The following PRKN variants were observed in gnomAD, a reference collection of about 807,000 sequenced individuals.
PRKN encodes the protein E3 ubiquitin-protein ligase parkin.
Under a neutral mutation model 59.5 loss-of-function variants are expected in PRKN, and 56 were observed. That is an observed-to-expected ratio of 0.94 (90% confidence interval 0.76 to 1.18). The LOEUF is 1.18. PRKN is among the 50% of genes most tolerant of loss of function. PRKN has a pLI of 0.00. For missense variants in PRKN, 657 were observed against 596.4 expected (o/e 1.10, Z -1.06); for synonymous variants, 250 against 222.1 (o/e 1.13, Z -1.12).
intron 2 of PRKN, among the ~76,000 whole-genome samples, chr6:162,429,129 G>A (rs1046611040): frequency 6.6e-6 from 1 of 152,188 alleles, no homozygotes; most frequent in Non-Finnish European, 1.5e-5. Context: ...GACTACAGAA[G>A]TATAACCAAT....
chr6:161,634,975 G>A (rs1380583341), intron 7 of PRKN, among the ~76,000 whole-genome samples: 2 of 152,126 alleles, frequency 1.3e-5, no homozygotes, highest in African/African-American at 2.4e-5. Flanking sequence ...CAAAGAACCC[G>A]AGGCCAGGAC....
At chr6:161,623,853 TA>T (rs199575162) in intron 7 of PRKN, among the ~76,000 whole-genome samples, 3,014 of 152,316 alleles carry the variant, frequency 0.02, 103 homozygotes, top group African/African-American at 0.069. Context: ...TAATATTCAG[TA>T]AACATTTGGT....
At position 162,003,273 on chromosome 6, in the gene PRKN, T is replaced by C. The variant is rs575761641; in HGVS notation, c.619-29856A>G. On this transcript the variant is annotated intron_variant, in intron 5 of 11. Transcript: ENST00000366898. Reference sequence around the variant, plus strand: ...CGAGTAGATGGGTTATAAGGACTTATATATGAGGACCTCCTGGATGGCAGC... The same window carrying C: ...CGAGTAGATGGGTTATAAGGACTTACATATGAGGACCTCCTGGATGGCAGC... 3.9e-5 allele frequency among the ~76,000 whole-genome samples: 6 copies of C among 152,052 alleles called. No homozygotes were observed. The East Asian group carries it at 1.2e-3, about 29-fold the overall frequency.
chr6:162,549,049 C>G (rs769389557), intron 1 of PRKN, among the ~76,000 whole-genome samples: 2 of 152,036 alleles, frequency 1.3e-5, no homozygotes, highest in Non-Finnish European at 2.9e-5. Flanking sequence ...ATCCTGCCCC[C>G]CCAAGATGAT....
chr6:162,081,820 A>T (rs9458453), intron 4 of PRKN, among the ~76,000 whole-genome samples: 58,622 of 151,892 alleles, frequency 0.39, 11,909 homozygotes, highest in Admixed American at 0.49. Context: ...CGGCTGTGTC[A>T]TCTACACTGA....
intron 1 of PRKN, among the ~76,000 whole-genome samples, chr6:162,482,764 A>G (rs918386894): frequency 7.9e-5 from 12 of 152,252 alleles, no homozygotes; most frequent in African/African-American, 2.7e-4. Context: ...AATGAGATGC[A>G]TAGGCTCTTT....
At chr6:162,116,107 G>A (rs1780659693) in intron 4 of PRKN, among the ~76,000 whole-genome samples, 1 of 152,158 alleles carries the variant, frequency 6.6e-6, no homozygotes, top group South Asian at 2.1e-4. Context: ...TTCATGGGCT[G>A]ACACATTACC....
intron 7 of PRKN, among the ~76,000 whole-genome samples, chr6:161,671,913 G>T (rs1284240246): frequency 3.3e-5 from 5 of 152,094 alleles, no homozygotes; most frequent in Non-Finnish European, 7.3e-5. Flanking sequence ...ATTTAGTACA[G>T]ACTAATATAA....
intron 7 of PRKN, among the ~76,000 whole-genome samples, chr6:161,613,636 A>AGGCAGGAGAATGG (rs1782567221): frequency 6.6e-6 from 1 of 152,156 alleles, no homozygotes; most frequent in Non-Finnish European, 1.5e-5. Flanking sequence ...TGCCACAGCC[A>AGGCAGGAGAATGG]CGTCAAGCTT....
At chr6:161,893,366 A>G (rs1346210891) in intron 6 of PRKN, among the ~76,000 whole-genome samples, 2 of 152,212 alleles carry the variant, frequency 1.3e-5, no homozygotes, top group African/African-American at 4.8e-5. Flanking sequence ...AGGGCTGGTT[A>G]TCTGTTCACA....
chr6:161,891,694 AGGGGG>A, intron 6 of PRKN, among the ~76,000 whole-genome samples: 2 of 152,328 alleles, frequency 1.3e-5, no homozygotes, highest in Middle Eastern at 6.8e-3. Flanking sequence ...GCATATCTAC[AGGGGG>A]TAAGACAAAT....
chr6:162,597,687 T>A (rs1157175441), intron 1 of PRKN, among the ~76,000 whole-genome samples: 2 of 152,178 alleles, frequency 1.3e-5, no homozygotes, highest in East Asian at 3.9e-4. Flanking sequence ...GATTGAACTT[T>A]TATCATATAC....
intron 1 of PRKN, among the ~76,000 whole-genome samples, chr6:162,721,398 A>G (rs532916146): frequency 6.6e-6 from 1 of 152,258 alleles, no homozygotes; most frequent in South Asian, 2.1e-4. Flanking sequence ...ACCTGTTCAT[A>G]ATGCTCTTTT....
intron 6 of PRKN, among the ~76,000 whole-genome samples, chr6:161,926,589 C>G (rs910324085): frequency 1.3e-5 from 2 of 152,176 alleles, no homozygotes; most frequent in African/African-American, 2.4e-5. Flanking sequence ...TCAACACATT[C>G]CTGGGGCCTG....
chr6:161,977,541 G>GTTTTTTTTTTTTTTTTTTTT lies in PRKN; in HGVS notation c.619-4125_619-4124insAAAAAAAAAAAAAAAAAAAA, dbSNP rs1562433349. ...TATCTTCTCTACTTTCTGTTTTTTT[G>GTTTTTTTTTTTTTTTTTTTT]GTTTTTTTTTTTTTTTTTTTTTTTA... On this transcript the variant is annotated intron_variant, in intron 5 of 11. Coordinates refer to ENST00000366898, the MANE Select transcript of PRKN (RefSeq NM_004562.3). 4.1e-5 allele frequency among the ~76,000 whole-genome samples: 4 copies of GTTTTTTTTTTTTTTTTTTTT among 98,714 alleles called. 1 individual carries two copies. Among genetic ancestry groups the GTTTTTTTTTTTTTTTTTTTT allele is most frequent in the Non-Finnish European group, 1.9e-5 (1 of 52,504 alleles). The allele number at this position is 98,714 out of a possible 152,430, so 64.8% of individuals were successfully genotyped here.
intron 1 of PRKN, among the ~76,000 whole-genome samples, 169 bp from the exon 2 acceptor site, chr6:162,443,642 A>G (rs1229527622): frequency 6.6e-6 from 1 of 152,208 alleles, no homozygotes; most frequent in Non-Finnish European, 1.5e-5. Flanking sequence ...AATATTTGGG[A>G]AAAACAGAGT....
chr6:162,416,155 A>G (rs1788620934), intron 2 of PRKN, among the ~76,000 whole-genome samples: 1 of 152,162 alleles, frequency 6.6e-6, no homozygotes, highest in Non-Finnish European at 1.5e-5. Context: ...CATTTATACC[A>G]CTGCCATAAC....
At chr6:162,533,995 T>C (rs1478818577) in intron 1 of PRKN, among the ~76,000 whole-genome samples, 3 of 144,628 alleles carry the variant, frequency 2.1e-5, no homozygotes, top group East Asian at 2.0e-4. Flanking sequence ...AAAAGAGATA[T>C]GAAGGAGGAT....
chr6:162,119,302 G>A (rs79046794), intron 4 of PRKN, among the ~76,000 whole-genome samples: 2 of 152,256 alleles, frequency 1.3e-5, no homozygotes, highest in East Asian at 3.9e-4. Context: ...GCCTCGGGAT[G>A]ATCAGGGAAA....
Sources: gnomAD v4.1 joint callset for allele counts (sites outside exome capture counted in the v4.1 genomes callset) on GRCh38, gnomAD v4.1.1 for gene constraint, MANE v1.5 for transcripts, NCBI Gene and HGNC (gene_info 2026-07-23, HGNC 2026-07-21) for gene names.